MALL: variants seen among roughly 807,000 people sequenced by gnomAD.
MALL encodes the protein mal, T cell differentiation protein like.
In MALL, 2 loss-of-function variants were observed where a neutral mutation model predicts 10.3. The observed-to-expected ratio is 0.19, with a 90% CI of 0.08 to 0.61. The LOEUF (loss-of-function observed/expected upper bound fraction) is 0.61. Ranked by LOEUF, MALL falls within the 20% of genes least tolerant of loss-of-function variation. MALL has a pLI of 0.88. For missense variants in MALL, 39 were observed against 115.2 expected (o/e 0.34, Z 3.03); for synonymous variants, 27 against 51.8 (o/e 0.52, Z 2.05).
At position 110,114,530 on chromosome 2, in the gene MALL, C is replaced by G. The variant is rs945709609; in HGVS notation, c.105+1158G>C. On this transcript the variant is annotated intron_variant, in intron 1 of 3. Coordinates refer to ENST00000272462, the MANE Select transcript of MALL (RefSeq NM_005434.5). Reference sequence around the variant, plus strand: ...GTTATGTCATCAGTCTGGCAGGATGCCCACGCTGTGCTGGGGATGGTAGCC... The same window carrying G: ...GTTATGTCATCAGTCTGGCAGGATGGCCACGCTGTGCTGGGGATGGTAGCC... 2.0e-5 allele frequency among the ~76,000 whole-genome samples: 3 copies of G among 151,784 alleles called. No individual in the cohort carries two copies. In the South Asian group the frequency reaches 6.3e-4, roughly 32 times the overall value.
chr2:110,101,512 C>T (rs1278329123), intron 1 of MALL, among the ~76,000 whole-genome samples: 1 of 152,152 alleles, frequency 6.6e-6, no homozygotes, highest in Non-Finnish European at 1.5e-5. Flanking sequence ...GGTGGGAACT[C>T]GCGTCCGCAG....
In MALL at chr2:110,099,004, T is replaced by A. The variant is rs576047983; in HGVS notation, c.106-7234A>T. 1.3e-4 allele frequency among the ~76,000 whole-genome samples: 17 copies of A among 134,580 alleles called. No individual in the cohort carries two copies. In the East Asian group the frequency reaches 3.6e-3, roughly 28 times the overall value. 88.3% of individuals were successfully genotyped at this position (134,580 alleles called of 152,430 possible). On this transcript the variant is annotated intron_variant, in intron 1 of 3. Transcript: ENST00000272462. ...AAAGACCCTGTCTCAAAAAAAAAAA[T>A]GAAAAACAAGACAAGGCCTACCCTA...
intron 1 of MALL, among the ~76,000 whole-genome samples, chr2:110,112,882 A>G (rs1356700083): frequency 6.7e-6 from 1 of 149,592 alleles, no homozygotes; most frequent in African/African-American, 2.4e-5. Context: ...ATATATATAT[A>G]TATGTATATA....
At chr2:110,112,730 T>A (rs1574038064) in intron 1 of MALL, among the ~76,000 whole-genome samples, 1 of 152,070 alleles carries the variant, frequency 6.6e-6, no homozygotes, top group East Asian at 1.9e-4. Flanking sequence ...ATCACACTAC[T>A]CAGTATCAAT....
intron 1 of MALL, among the ~76,000 whole-genome samples, chr2:110,107,742 T>TA (rs1678725538): frequency 6.6e-6 from 1 of 152,154 alleles, no homozygotes. Flanking sequence ...AGCACAAAAA[T>TA]AGACCATTAA....
At chr2:110,095,577 A>C (rs764549051) in intron 1 of MALL, among the ~76,000 whole-genome samples, 4 of 152,106 alleles carry the variant, frequency 2.6e-5, no homozygotes, top group Non-Finnish European at 4.4e-5. Context: ...TAATAAAATA[A>C]AATTTCCAAC....
At chr2:110,098,997 A>AC (rs946243915) in intron 1 of MALL, among the ~76,000 whole-genome samples, 2 of 151,428 alleles carry the variant, frequency 1.3e-5, no homozygotes, top group Non-Finnish European at 2.9e-5. Context: ...TGTCTCAAAA[A>AC]AAAAAATGAA....
At chr2:110,100,693 G>A (rs2104385031) in intron 1 of MALL, among the ~76,000 whole-genome samples, 1 of 152,232 alleles carries the variant, frequency 6.6e-6, no homozygotes, top group South Asian at 2.1e-4. Context: ...CCCACCCCTG[G>A]ACCATTCCTC....
At position 110,112,756 on chromosome 2, in the gene MALL, T is replaced by G. The variant is rs562188501; in HGVS notation, c.105+2932A>C. 5.9e-5 allele frequency among the ~76,000 whole-genome samples: 9 copies of G among 151,906 alleles called. No individual in the cohort carries two copies. The East Asian group carries it at 1.7e-3, about 29-fold the overall frequency. ...CAGTATCAATCCAGAGGAAAAGAAG[T>G]CATTATTCAAAAAAGATACTTGCAC... On this transcript the variant is annotated intron_variant, in intron 1 of 3. Coordinates refer to ENST00000272462, the MANE Select transcript of MALL (RefSeq NM_005434.5).
upstream of MALL, chr2:110,115,999 G>A (rs978735092): frequency 2.6e-6 from 1 of 391,582 alleles, no homozygotes; most frequent in African/African-American, 2.1e-5. Flanking sequence ...CTGGCCGGCG[G>A]GGGGCACAGC....
At position 110,096,710 on chromosome 2, in the gene MALL, T is replaced by TACACACACACAC. The variant is rs61332655; in HGVS notation, c.106-4952_106-4941dup. Among the ~76,000 whole-genome samples the TACACACACACAC allele has an allele frequency of 8.2e-3, 1,150 of 140,924 alleles. 27 individuals are homozygous for TACACACACACAC. The highest frequency in any genetic ancestry group is 0.028 in the African/African-American group (1,065 of 38,004). 92.5% of individuals were successfully genotyped at this position (140,924 alleles called of 152,430 possible). On this transcript the variant is annotated intron_variant, in intron 1 of 3. Coordinates refer to ENST00000272462, the MANE Select transcript of MALL (RefSeq NM_005434.5). ...CTTTGGTCACCAAGAAAAATGTACCTACACACACACACACACACACACACA... is the reference window on the plus strand; with the variant it reads ...CTTTGGTCACCAAGAAAAATGTACCTACACACACACACACACACACACACACACACACACACA...
At chr2:110,117,620 TGTGTGAGA>T (rs754055632), upstream of MALL, among the ~76,000 whole-genome samples, 83 of 133,352 alleles carry the variant, frequency 6.2e-4, no homozygotes, top group Middle Eastern at 3.9e-3. Flanking sequence ...TGTGTGTGTG[TGTGTGAGA>T]GAGAGAGAGA....
At chr2:110,101,977 G>T (rs921566314) in intron 1 of MALL, among the ~76,000 whole-genome samples, 1 of 152,090 alleles carries the variant, frequency 6.6e-6, no homozygotes, top group African/African-American at 2.4e-5. Context: ...CGGCCCGGTG[G>T]CTGGGCTTCC....
At chr2:110,105,204 T>A (rs1403097628) in intron 1 of MALL, among the ~76,000 whole-genome samples, 2 of 152,220 alleles carry the variant, frequency 1.3e-5, no homozygotes, top group Non-Finnish European at 2.9e-5. Context: ...CTGACTCTAT[T>A]TTACTGAACC....
At chr2:110,099,584 A>G (rs1231898196) in intron 1 of MALL, among the ~76,000 whole-genome samples, 1 of 152,154 alleles carries the variant, frequency 6.6e-6, no homozygotes, top group African/African-American at 2.4e-5. Flanking sequence ...CTCTCATTAC[A>G]AACTGTTTCT....
intron 1 of MALL, among the ~76,000 whole-genome samples, chr2:110,104,896 A>G (rs1678654996): frequency 6.6e-6 from 1 of 152,200 alleles, no homozygotes; most frequent in Non-Finnish European, 1.5e-5. Flanking sequence ...TAGTGTTTCA[A>G]TAAACACTTG....
chr2:110,116,383 G>A (rs1294499832), upstream of MALL: 1 of 152,612 alleles, frequency 6.6e-6, no homozygotes, highest in Non-Finnish European at 1.5e-5. Flanking sequence ...CCCCTGGGAG[G>A]AGCAGCCCTC....
upstream of MALL, among the ~76,000 whole-genome samples, chr2:110,117,446 T>G (rs1352155707): frequency 6.6e-6 from 1 of 152,132 alleles, no homozygotes; most frequent in Admixed American, 6.5e-5. Flanking sequence ...TGAGAGGCCC[T>G]GAGCCATTTC....
At chr2:110,108,700 A>C (rs941698188) in intron 1 of MALL, among the ~76,000 whole-genome samples, 10 of 152,174 alleles carry the variant, frequency 6.6e-5, no homozygotes, top group Non-Finnish European at 1.2e-4. Context: ...ACACCTGGGA[A>C]ATTCATCACA....
Sources: gnomAD v4.1 joint callset for allele counts (sites outside exome capture counted in the v4.1 genomes callset) on GRCh38, gnomAD v4.1.1 for gene constraint, MANE v1.5 for transcripts, NCBI Gene and HGNC (gene_info 2026-07-23, HGNC 2026-07-21) for gene names.